The following CACNB4 variants were observed in gnomAD, a reference collection of about 807,000 sequenced individuals.
CACNB4 encodes the protein calcium voltage-gated channel auxiliary subunit beta 4.
Under a neutral mutation model 71.2 loss-of-function variants are expected in CACNB4, and 32 were observed. That is an observed-to-expected ratio of 0.45 (90% CI 0.34 to 0.60). The LOEUF is 0.60. Ranked by LOEUF, CACNB4 falls within the 20% of genes least tolerant of loss-of-function variation. CACNB4 has a pLI of 0.01. For missense variants in CACNB4, 464 were observed against 647.9 expected (o/e 0.72, Z 3.08); for synonymous variants, 231 against 236.9 (o/e 0.97, Z 0.23).
At chr2:151,844,067 T>C (rs1424775796) in intron 12 of CACNB4, among the ~76,000 whole-genome samples, 2 of 152,172 alleles carry the variant, frequency 1.3e-5, no homozygotes, top group African/African-American at 2.4e-5. Flanking sequence ...CCAAGAACAG[T>C]TATTAGTAGA....
chr2:151,891,930 C>T (rs529000511), intron 2 of CACNB4, among the ~76,000 whole-genome samples: 44 of 152,306 alleles, frequency 2.9e-4, no homozygotes, highest in African/African-American at 1.0e-3. Context: ...GATCAACCTA[C>T]ATGACAGGTG....
At chr2:152,094,972 A>G (rs966454762) in intron 2 of CACNB4, among the ~76,000 whole-genome samples, 2 of 152,226 alleles carry the variant, frequency 1.3e-5, no homozygotes, top group East Asian at 1.9e-4. Context: ...TTCATCCCCA[A>G]TGAAGAGTGA....
At chr2:151,870,417 G>T in intron 8 of CACNB4, 114 bp downstream of exon 8, 1 of 828,924 alleles carries the variant, frequency 1.2e-6, no homozygotes, top group Non-Finnish European at 2.0e-6. Flanking sequence ...CCCATGCTGA[G>T]CACTGGCTTC....
At chr2:151,874,779 C>T in intron 5 of CACNB4, 1 of 389,946 alleles carries the variant, frequency 2.6e-6, no homozygotes, top group Non-Finnish European at 4.5e-6. Flanking sequence ...TGCTTCAGTG[C>T]AGGCTGCGAC....
At chr2:151,964,716 C>T (rs1323831518) in intron 2 of CACNB4, among the ~76,000 whole-genome samples, 1 of 152,180 alleles carries the variant, frequency 6.6e-6, no homozygotes, top group East Asian at 1.9e-4. Context: ...TATGACAATA[C>T]AGAAAAATAC....
At chr2:151,996,618 C>A (rs986130840) in intron 2 of CACNB4, among the ~76,000 whole-genome samples, 1 of 152,086 alleles carries the variant, frequency 6.6e-6, no homozygotes, top group Non-Finnish European at 1.5e-5. Context: ...ATGTGAGTGA[C>A]TCAAAAATAA....
chr2:151,921,061 C>T (rs1006820179), intron 2 of CACNB4, among the ~76,000 whole-genome samples: 4 of 151,640 alleles, frequency 2.6e-5, no homozygotes, highest in African/African-American at 9.7e-5. Context: ...GGCGTGAACC[C>T]GGGAGGTGGA....
At chr2:152,062,571 A>G (rs1686078151) in intron 2 of CACNB4, among the ~76,000 whole-genome samples, 1 of 152,160 alleles carries the variant, frequency 6.6e-6, no homozygotes, top group Non-Finnish European at 1.5e-5. Context: ...CTCTGTGGCT[A>G]AGCCAAACTG....
intron 2 of CACNB4, among the ~76,000 whole-genome samples, chr2:152,039,791 C>T (rs1000058748): frequency 3.3e-5 from 5 of 152,160 alleles, no homozygotes; most frequent in African/African-American, 4.8e-5. Context: ...CTACGTAAGT[C>T]CTCAGAAACA....
chr2:152,014,606 C>T (rs1386429020), intron 2 of CACNB4, among the ~76,000 whole-genome samples: 1 of 151,866 alleles, frequency 6.6e-6, no homozygotes, highest in African/African-American at 2.4e-5. Flanking sequence ...TGGCAGGCAC[C>T]TATAATCCCA....
chr2:151,922,183 C>T (rs1446867997), intron 2 of CACNB4, among the ~76,000 whole-genome samples: 1 of 152,150 alleles, frequency 6.6e-6, no homozygotes, highest in Non-Finnish European at 1.5e-5. Context: ...TCAAGGTCAA[C>T]TGATAAGTAA....
intron 11 of CACNB4, chr2:151,854,400 C>T (rs2099839757): frequency 2.0e-5 from 3 of 152,226 alleles, no homozygotes; most frequent in South Asian, 4.1e-4. Flanking sequence ...AGGCTAGGAT[C>T]TCAGAACATC....
At chr2:151,941,121 A>G (rs985831524) in intron 2 of CACNB4, among the ~76,000 whole-genome samples, 2 of 152,270 alleles carry the variant, frequency 1.3e-5, no homozygotes, top group East Asian at 3.9e-4. Context: ...GATCTGGGTA[A>G]TTAGTTATTA....
chr2:152,016,759 CTG>C (rs1579134348), intron 2 of CACNB4, among the ~76,000 whole-genome samples: 1 of 152,328 alleles, frequency 6.6e-6, no homozygotes, highest in East Asian at 1.9e-4. Context: ...GCCACAATAA[CTG>C]TGCTTCGGAT....
intron 2 of CACNB4, among the ~76,000 whole-genome samples, chr2:152,005,153 C>T (rs529634958): frequency 3.0e-4 from 46 of 152,284 alleles, no homozygotes; most frequent in African/African-American, 1.1e-3. Context: ...CCATTCAACC[C>T]AGCAGTTCCA....
chr2:152,073,315 C>G (rs1686802687), intron 2 of CACNB4, among the ~76,000 whole-genome samples: 1 of 152,132 alleles, frequency 6.6e-6, no homozygotes, highest in Non-Finnish European at 1.5e-5. Flanking sequence ...TCCTTGTCAT[C>G]CAAGGTCCAA....
At chr2:151,844,419 A>G (rs1032798132) in intron 12 of CACNB4, among the ~76,000 whole-genome samples, 4 of 151,456 alleles carry the variant, frequency 2.6e-5, no homozygotes, top group African/African-American at 9.7e-5. Flanking sequence ...AAAATAAAAC[A>G]AAAAAAAAGA....
rs1684592430 is a variant in CACNB4 at position 152,036,361 on chromosome 2, A to G, written c.147+61969T>C. Among the ~76,000 whole-genome samples, 3 of 152,180 alleles carry G rather than the reference A, an allele frequency of 2.0e-5. No individual in the cohort carries two copies. In the South Asian group the frequency reaches 6.2e-4, roughly 31 times the overall value. ...GTCTCCCAGGCAGGAGGGCAGTGGC[A>G]GAATCTTGGCTCACTGCAACCTCTG... On this transcript the variant is annotated intron_variant, in intron 2 of 13. Transcript: ENST00000539935.
At chr2:151,902,328 G>C (rs763988917) in intron 2 of CACNB4, among the ~76,000 whole-genome samples, 3 of 152,168 alleles carry the variant, frequency 2.0e-5, no homozygotes, top group Non-Finnish European at 2.9e-5. Flanking sequence ...AGTGCACTCA[G>C]ACTTCACCCA....
Sources: gnomAD v4.1 joint callset for allele counts (sites outside exome capture counted in the v4.1 genomes callset) on GRCh38, gnomAD v4.1.1 for gene constraint, MANE v1.5 for transcripts, NCBI Gene and HGNC (gene_info 2026-07-23, HGNC 2026-07-21) for gene names.